EPHA5: variants seen among roughly 807,000 people sequenced by gnomAD.
EPHA5 encodes ephrin type-A receptor 5.
Under a neutral mutation model 105.0 loss-of-function variants are expected in EPHA5, and 60 were observed. That is an observed-to-expected ratio of 0.57 (90% CI 0.46 to 0.71). The LOEUF (loss-of-function observed/expected upper bound fraction) is 0.71, where lower values mean the gene tolerates loss of function less well. Ranked by LOEUF, EPHA5 falls within the 30% of genes least tolerant of loss-of-function variation. The probability of loss-of-function intolerance (pLI) is 0.00; values close to 1 mark genes in which losing one functional copy is unlikely to be tolerated. For missense variants in EPHA5, 1,218 were observed against 1,274.7 expected (o/e 0.96, Z 0.68); for synonymous variants, 513 against 449.1 (o/e 1.14, Z -1.80).
intron 2 of EPHA5, among the ~76,000 whole-genome samples, chr4:65,625,822 G>T (rs1313743297): frequency 1.3e-5 from 2 of 152,152 alleles, no homozygotes; most frequent in African/African-American, 4.8e-5. Context: ...TTTATTTAAA[G>T]AATGCGCGGC....
chr4:65,348,450 C>A (rs1185422540), intron 13 of EPHA5, among the ~76,000 whole-genome samples: 1 of 151,624 alleles, frequency 6.6e-6, no homozygotes, highest in African/African-American at 2.4e-5. Context: ...ATCTCAATTA[C>A]AGTCCTCAGT....
At chr4:65,349,580 G>GA (rs1354667145) in intron 13 of EPHA5, among the ~76,000 whole-genome samples, 1 of 151,890 alleles carries the variant, frequency 6.6e-6, no homozygotes, top group Non-Finnish European at 1.5e-5. Flanking sequence ...CATTGCAAGG[G>GA]AAAAAATAGG....
At chr4:65,324,685 A>G (rs535918389) in intron 16 of EPHA5, among the ~76,000 whole-genome samples, 3 of 151,278 alleles carry the variant, frequency 2.0e-5, no homozygotes, top group African/African-American at 7.2e-5. Flanking sequence ...GTAATTTTAT[A>G]TAACAGATAT....
chr4:65,555,626 T>G (rs1452124073), intron 3 of EPHA5, among the ~76,000 whole-genome samples: 1 of 141,080 alleles, frequency 7.1e-6, no homozygotes, highest in Non-Finnish European at 1.5e-5. Context: ...ATTTCACATA[T>G]TACGTATTTT....
chr4:65,355,513 GTCCCAT>G (rs1723215090), intron 11 of EPHA5, among the ~76,000 whole-genome samples: 2 of 151,378 alleles, frequency 1.3e-5, no homozygotes, highest in Admixed American at 6.6e-5. Flanking sequence ...GGCTCTTTTC[GTCCCAT>G]TCTCACATCT....
intron 1 of EPHA5, among the ~76,000 whole-genome samples, chr4:65,666,964 A>G (rs762879301): frequency 3.9e-5 from 6 of 152,144 alleles, no homozygotes; most frequent in Non-Finnish European, 7.3e-5. Flanking sequence ...ACATAATGGG[A>G]GCATTCATAA....
intron 14 of EPHA5, 28 bp from the exon 15 acceptor site, chr4:65,336,153 C>G (rs1721162836): frequency 6.5e-7 from 1 of 1,549,470 alleles, no homozygotes; most frequent in Non-Finnish European, 8.7e-7. Context: ...GAACCAGCAC[C>G]CCAACACCAC....
intron 6 of EPHA5, among the ~76,000 whole-genome samples, chr4:65,416,910 A>G (rs754292855): frequency 3.3e-5 from 5 of 152,208 alleles, no homozygotes; most frequent in Non-Finnish European, 7.3e-5. Context: ...TTTTCTACAT[A>G]TCACAAACTT....
At chr4:65,429,298 T>G (rs1358122689) in intron 5 of EPHA5, among the ~76,000 whole-genome samples, 2 of 152,032 alleles carry the variant, frequency 1.3e-5, no homozygotes, top group Non-Finnish European at 2.9e-5. Flanking sequence ...AATAATGTTT[T>G]ATCAATATCA....
Position 65,347,617 on chromosome 4 carries a change from C to T in EPHA5, c.2595+437G>A, listed in dbSNP as rs28522123. Among the ~76,000 whole-genome samples the T allele has an allele frequency of 7.8e-3, 1,183 of 152,124 alleles. 16 individuals are homozygous for T. The highest frequency in any genetic ancestry group is 0.027 in the African/African-American group (1,117 of 41,510). ...TCTTACATTTTTTAATTTAAAGAAA[C>T]GTAGACTATTCCTTTTTATCCTCTA... is the stretch of plus-strand genomic sequence containing the variant. On this transcript the variant is annotated intron_variant, in intron 14 of 16. Coordinates refer to ENST00000613740, the MANE Select transcript of EPHA5 (RefSeq NM_001281766.3).
At chr4:65,470,332 C>T (rs777817920) in intron 5 of EPHA5, among the ~76,000 whole-genome samples, 12 of 151,986 alleles carry the variant, frequency 7.9e-5, no homozygotes, top group Non-Finnish European at 1.8e-4. Context: ...GCTGGGATTA[C>T]AGGTGTGTGC....
intron 3 of EPHA5, among the ~76,000 whole-genome samples, chr4:65,544,531 C>T (rs143230507): frequency 0.014 from 2,096 of 151,924 alleles, 35 homozygotes; most frequent in African/African-American, 0.048. Context: ...AATGAGATAC[C>T]ATCTCATTCC....
At chr4:65,562,934 G>A (rs1046775386) in intron 3 of EPHA5, among the ~76,000 whole-genome samples, 5 of 151,762 alleles carry the variant, frequency 3.3e-5, no homozygotes, top group African/African-American at 9.7e-5. Context: ...CTTTGATTAC[G>A]CCACTGTACT....
At chr4:65,591,192 A>G (rs1365702265) in intron 3 of EPHA5, among the ~76,000 whole-genome samples, 2 of 152,112 alleles carry the variant, frequency 1.3e-5, no homozygotes, top group South Asian at 2.1e-4. Flanking sequence ...TGGAAGGATC[A>G]TTGCATTTCA....
In EPHA5 at chr4:65,661,240, T is replaced by G. The variant is rs1749534054; in HGVS notation, c.181+8322A>C. Reference sequence around the variant, plus strand: ...TTTGTTTTTTAATTCAAAACAGATTTTCTTAACTGTTTTTGTTTGTATGCT... The same window carrying G: ...TTTGTTTTTTAATTCAAAACAGATTGTCTTAACTGTTTTTGTTTGTATGCT... On this transcript the variant is annotated intron_variant, in intron 1 of 16. Transcript: ENST00000613740. Among the ~76,000 whole-genome samples the G allele has an allele frequency of 3.3e-5, 5 of 152,252 alleles. No homozygotes were observed. The South Asian group carries it at 1.0e-3, about 32-fold the overall frequency.
chr4:65,641,877 T>G (rs1486449095), intron 2 of EPHA5, among the ~76,000 whole-genome samples: 3 of 152,060 alleles, frequency 2.0e-5, no homozygotes, highest in Non-Finnish European at 2.9e-5. Flanking sequence ...GTTAGAATAA[T>G]TTAAAAAATC....
intron 3 of EPHA5, among the ~76,000 whole-genome samples, chr4:65,582,981 G>A (rs1741781534): frequency 6.6e-6 from 1 of 151,512 alleles, no homozygotes; most frequent in East Asian, 1.9e-4. Context: ...ATAAAAACTA[G>A]AATTGAGACA....
At chr4:65,489,262 AAATT>A (rs894488131) in intron 5 of EPHA5, among the ~76,000 whole-genome samples, 7 of 152,214 alleles carry the variant, frequency 4.6e-5, no homozygotes, top group African/African-American at 1.7e-4. Flanking sequence ...CCAACAATTC[AAATT>A]AATTATTTTT....
intron 3 of EPHA5, among the ~76,000 whole-genome samples, chr4:65,588,534 T>C (rs1266139630): frequency 1.3e-5 from 2 of 152,148 alleles, no homozygotes; most frequent in African/African-American, 4.8e-5. Flanking sequence ...GCTAAGACTT[T>C]CCCCTTCATC....
Sources: allele counts gnomAD v4.1 joint callset (sites outside exome capture counted in the v4.1 genomes callset), GRCh38; gene constraint gnomAD v4.1.1; transcripts MANE v1.5; gene names NCBI Gene and HGNC (gene_info 2026-07-23, HGNC 2026-07-21).